The following ABCD2 variants were observed in gnomAD, a reference collection of about 807,000 sequenced individuals.
ABCD2 encodes the protein ATP binding cassette subfamily D member 2.
In ABCD2, 36 loss-of-function variants were observed where a neutral mutation model predicts 70.9. The ratio of observed to expected loss-of-function variants is 0.51; its 90% CI spans 0.39 to 0.67. The LOEUF (loss-of-function observed/expected upper bound fraction) is 0.67. Ranked by LOEUF, ABCD2 falls within the 30% of genes least tolerant of loss-of-function variation. The probability of loss-of-function intolerance (pLI) is 0.00; values close to 1 mark genes in which losing one functional copy is unlikely to be tolerated. For missense variants in ABCD2, 729 were observed against 890.2 expected (o/e 0.82, Z 2.30); for synonymous variants, 304 against 306.9 (o/e 0.99, Z 0.10).
At chr12:39,568,331 A>G (rs1057485096) in intron 9 of ABCD2, among the ~76,000 whole-genome samples, 1 of 152,086 alleles carries the variant, frequency 6.6e-6, no homozygotes, top group Non-Finnish European at 1.5e-5. Context: ...ATTTCTGTTT[A>G]TTCCTTTTTC....
At chr12:39,613,107 C>CCTCAGGTAACTATTTTCTT (rs1269919507) in intron 2 of ABCD2, among the ~76,000 whole-genome samples, 1 of 138,088 alleles carries the variant, frequency 7.2e-6, no homozygotes, top group African/African-American at 3.2e-5. Flanking sequence ...AGGTTGTGGG[C>CCTCAGGTAACTATTTTCTT]CGGGCGCGGT....
At chr12:39,616,858 C>A (rs1010131107) in intron 2 of ABCD2, 130 bp downstream of exon 2, 1 of 763,452 alleles carries the variant, frequency 1.3e-6, no homozygotes, top group Admixed American at 3.4e-5. Flanking sequence ...GTAAAGTCTG[C>A]CATTGTTTCG....
At chr12:39,562,424 C>A (rs899316646) in intron 9 of ABCD2, among the ~76,000 whole-genome samples, 14 of 151,022 alleles carry the variant, frequency 9.3e-5, no homozygotes, top group African/African-American at 3.2e-4. Context: ...CAAAGATAAC[C>A]AAATTTGACA....
At chr12:39,614,875 G>A (rs925886926) in intron 2 of ABCD2, among the ~76,000 whole-genome samples, 1 of 151,868 alleles carries the variant, frequency 6.6e-6, no homozygotes, top group African/African-American at 2.4e-5. Flanking sequence ...TTAATAGTCT[G>A]TCATATGAAT....
At chr12:39,607,745 G>GTTTTTTT in intron 2 of ABCD2, 31 bp from the exon 3 acceptor site, 70 of 774,966 alleles carry the variant, frequency 9.0e-5, no homozygotes, top group South Asian at 2.7e-4. Context: ...CAAAACTTGA[G>GTTTTTTT]TTTTTTTTTT....
At chr12:39,595,433 G>A (rs1941803259) in intron 6 of ABCD2, among the ~76,000 whole-genome samples, 1 of 152,022 alleles carries the variant, frequency 6.6e-6, no homozygotes, top group Admixed American at 6.6e-5. Context: ...AACTTATACA[G>A]AACATAATTA....
At chr12:39,531,965 AT>A in the ABCD2 span, among the ~76,000 whole-genome samples, 1 of 152,166 alleles carries the variant, frequency 6.6e-6, no homozygotes, top group East Asian at 1.9e-4. Flanking sequence ...GTGTTGAAAG[AT>A]TTTTTTCTTG....
At chr12:39,583,842 A>G (rs1158747424) in intron 7 of ABCD2, among the ~76,000 whole-genome samples, 1 of 152,210 alleles carries the variant, frequency 6.6e-6, no homozygotes. Context: ...ATGTTCCCAC[A>G]AAATATATGA....
the ABCD2 span, among the ~76,000 whole-genome samples, chr12:39,534,667 AAG>A: frequency 3.0e-5 from 4 of 134,520 alleles, no homozygotes; most frequent in African/African-American, 1.2e-4. Context: ...AAAAGAAAGA[AAG>A]AGAGAGAGGG....
intron 9 of ABCD2, among the ~76,000 whole-genome samples, chr12:39,564,464 T>G (rs1003530384): frequency 2.0e-5 from 3 of 152,332 alleles, no homozygotes; most frequent in African/African-American, 7.2e-5. Context: ...TTGCCCACTT[T>G]TTGATGGGGT....
chr12:39,593,191 G>A (rs1448292886), intron 6 of ABCD2, among the ~76,000 whole-genome samples: 1 of 152,154 alleles, frequency 6.6e-6, no homozygotes, highest in Non-Finnish European at 1.5e-5. Flanking sequence ...CTTAGATTTG[G>A]AAGTCATTCA....
Position 39,579,547 on chromosome 12 carries a change from A to G in ABCD2, c.1865T>C (p.Met622Thr). 1 of 1,612,880 alleles carries G rather than the reference A, an allele frequency of 6.2e-7. No homozygotes were observed. Among genetic ancestry groups the G allele is most frequent in the South Asian group, 1.1e-5 (1 of 90,964 alleles). ...GEKQRMGMAR[M>T]FYHKPKYALL... ...TTAGTATACTTACTTATGATAAAAC[A>G]TACGAGCCATGCCCATTCTTTGCTT... Residue 622 changes from methionine to threonine, a missense_variant, in exon 8 of 10, where the codon ATG becomes ACG. Transcript: ENST00000308666.
At chr12:39,559,865 G>A (rs185692404) in intron 9 of ABCD2, among the ~76,000 whole-genome samples, 194 of 152,268 alleles carry the variant, frequency 1.3e-3, no homozygotes, top group Non-Finnish European at 2.4e-3. Context: ...CTTATAAGGA[G>A]TACTAAAGGG....
chr12:39,566,357 G>A (rs1941347371), intron 9 of ABCD2, among the ~76,000 whole-genome samples: 2 of 152,204 alleles, frequency 1.3e-5, no homozygotes, highest in African/African-American at 4.8e-5. Context: ...TTTAGTCTTG[G>A]GAGGTTGTTT....
intron 7 of ABCD2, among the ~76,000 whole-genome samples, chr12:39,584,557 A>C (rs1243356431): frequency 6.6e-6 from 1 of 151,960 alleles, no homozygotes; most frequent in African/African-American, 2.4e-5. Flanking sequence ...TTTCATTGTG[A>C]TTGCTTTTGG....
the ABCD2 span, among the ~76,000 whole-genome samples, chr12:39,538,200 C>T: frequency 2.1e-5 from 3 of 142,814 alleles, no homozygotes; most frequent in East Asian, 2.1e-4. Flanking sequence ...GGTGGAGTCT[C>T]GCTGTGTCTC....
Position 39,554,852 on chromosome 12 carries a change from G to C in ABCD2, c.2004-721C>G, listed in dbSNP as rs569917068. ...TGGTGAAAGAAAAGTTGGCAGAGCT[G>C]GTCCTGCATGGCTGAACCACCTGCA... On this transcript the variant is annotated intron_variant, in intron 9 of 9. Coordinates refer to ENST00000308666, the MANE Select transcript of ABCD2 (RefSeq NM_005164.4). 9.9e-5 allele frequency among the ~76,000 whole-genome samples: 15 copies of C among 152,198 alleles called. No homozygotes were observed. In the South Asian group the frequency reaches 3.1e-3, roughly 32 times the overall value.
chr12:39,583,085 C>G lies in ABCD2; in HGVS notation c.1792+3067G>C, dbSNP rs1941618941. On this transcript the variant is annotated intron_variant, in intron 7 of 9. Transcript: ENST00000308666. The stretch of plus-strand genomic sequence containing the variant: ...ATGTTGCCCAGGCTGGTTTCAACCT[C>G]CTAGATTCAAGCTATTTACCCTCCT... Among the ~76,000 whole-genome samples the G allele has an allele frequency of 2.0e-5, 3 of 152,188 alleles. No individual in the cohort carries two copies. The South Asian group carries it at 6.2e-4, about 32-fold the overall frequency.
At chr12:39,584,578 A>T (rs1941640277) in intron 7 of ABCD2, among the ~76,000 whole-genome samples, 1 of 152,142 alleles carries the variant, frequency 6.6e-6, no homozygotes, top group East Asian at 1.9e-4. Context: ...TATCTTTGTC[A>T]TGAAGTCTTT....
Sources: gnomAD v4.1 joint callset for allele counts (sites outside exome capture counted in the v4.1 genomes callset) on GRCh38, gnomAD v4.1.1 for gene constraint, MANE v1.5 for transcripts, NCBI Gene and HGNC (gene_info 2026-07-23, HGNC 2026-07-21) for gene names.